Variants in UBP1 observed in about 807,000 individuals in gnomAD.
UBP1 encodes upstream binding protein 1.
In UBP1, 22 loss-of-function variants were observed where a neutral mutation model predicts 76.1. The ratio of observed to expected loss-of-function variants is 0.29; its 90% CI spans 0.21 to 0.41. The LOEUF (loss-of-function observed/expected upper bound fraction) is 0.41. Among genes scored for constraint, UBP1 ranks in the 10% least tolerant of loss-of-function variants. The pLI is 1.00. For synonymous variants in UBP1, 224 were observed against 237.1 expected, an observed-to-expected ratio of 0.94 and a Z score of 0.51; for missense variants, 436 against 668.1, an observed-to-expected ratio of 0.65 and a Z score of 3.83.
intron 1 of UBP1, among the ~76,000 whole-genome samples, chr3:33,427,766 G>A (rs750535640): frequency 2.0e-5 from 3 of 152,126 alleles, no homozygotes; most frequent in Non-Finnish European, 4.4e-5. Context: ...ACACTCCTAC[G>A]TACACAAGTA....
intron 13 of UBP1, 112 bp from the exon 14 acceptor site, chr3:33,393,566 T>TA (rs1008617714): frequency 1.2e-4 from 116 of 985,760 alleles, no homozygotes; most frequent in African/African-American, 3.4e-5. Context: ...ACCAAAAAAG[T>TA]AAAAAAACAT....
At chr3:33,429,428 A>AGCCTCAACCTCCC (rs1223330414) in intron 1 of UBP1, among the ~76,000 whole-genome samples, 1 of 151,672 alleles carries the variant, frequency 6.6e-6, no homozygotes, top group Non-Finnish European at 1.5e-5. Flanking sequence ...GGCTCACTAC[A>AGCCTCAACCTCCC]GCCTCAACCT....
intron 1 of UBP1, among the ~76,000 whole-genome samples, chr3:33,432,167 C>CA (rs1158820644): frequency 1.3e-5 from 2 of 151,664 alleles, no homozygotes; most frequent in African/African-American, 4.8e-5. Context: ...CAAAAAATAG[C>CA]AAAAAAATTA....
At chr3:33,395,228 T>C (rs1370452503) in intron 13 of UBP1, among the ~76,000 whole-genome samples, 1 of 152,196 alleles carries the variant, frequency 6.6e-6, no homozygotes, top group Non-Finnish European at 1.5e-5. Flanking sequence ...GTAGTGATGC[T>C]ATCCTTCCAA....
chr3:33,394,017 CTT>C (rs2043868980), intron 13 of UBP1, among the ~76,000 whole-genome samples: 1 of 150,330 alleles, frequency 6.7e-6, no homozygotes, highest in African/African-American at 2.4e-5. Flanking sequence ...AGTCATAGTT[CTT>C]TTTGTTTATT....
chr3:33,440,109 G>A lies in UBP1; in HGVS notation c.-261C>T, dbSNP rs2045268616. ...GACACCGGCCCTGCGCCTCATGCCGGCGCCGCCGCCCAGCCCCCGCGCCGC... is the reference window on the plus strand; with the variant it reads ...GACACCGGCCCTGCGCCTCATGCCGACGCCGCCGCCCAGCCCCCGCGCCGC... On this transcript the variant is annotated 5_prime_UTR_variant, in exon 1 of 16. Transcript: ENST00000283629. 6.2e-6 allele frequency: 2 copies of A among 322,638 alleles called. No individual in the cohort carries two copies. The highest frequency in any genetic ancestry group is 1.0e-4 in the Admixed American group (2 of 20,046). The allele number at this position is 322,638 out of a possible 1,614,324, so 20.0% of individuals were successfully genotyped here. A position where few individuals can be genotyped will look rare whatever the true frequency, so the allele number is the denominator to read the frequency against.
At chr3:33,408,546 G>C (rs968068877) in intron 8 of UBP1, 144 bp downstream of exon 8, 1 of 582,740 alleles carries the variant, frequency 1.7e-6, no homozygotes, top group Non-Finnish European at 2.9e-6. Context: ...ACAAACAGAA[G>C]CAGGAAGTCT....
intron 1 of UBP1, among the ~76,000 whole-genome samples, chr3:33,426,859 T>C (rs1367268114): frequency 6.6e-6 from 1 of 152,252 alleles, no homozygotes; most frequent in East Asian, 1.9e-4. Flanking sequence ...TTAGCAATTA[T>C]GAATCATGCT....
chr3:33,425,763 C>A (rs776544444), intron 1 of UBP1, 22 bp from the exon 2 acceptor site: 1 of 1,558,968 alleles, frequency 6.4e-7, no homozygotes. Context: ...AAAATCAACA[C>A]TGACCTTACT....
At position 33,439,871 on chromosome 3, in the gene UBP1, G is replaced by T; in HGVS notation, c.-23C>A. 6.2e-7 allele frequency: 1 copy of T among 1,608,752 alleles called. No individual in the cohort carries two copies. The highest frequency in any genetic ancestry group is 2.2e-5 in the East Asian group (1 of 44,560). ...CATCTTCCGGCCTCGCCGTCGCCCC[G>T]CACACCGCGGCCTCCGCGTCCAGGG... On this transcript the variant is annotated 5_prime_UTR_variant, in exon 1 of 16. Coordinates refer to ENST00000283629, the MANE Select transcript of UBP1 (RefSeq NM_014517.5).
Position 33,437,254 on chromosome 3 carries a change from TG to T in UBP1, c.113+2481del, listed in dbSNP as rs575674759. 9.1e-5 allele frequency among the ~76,000 whole-genome samples: 12 copies of T among 131,316 alleles called. No individual in the cohort carries two copies. In the East Asian group the frequency reaches 2.4e-3, roughly 26 times the overall value. 86.1% of individuals were successfully genotyped at this position (131,316 alleles called of 152,430 possible). A position where few individuals can be genotyped will look rare whatever the true frequency, so the allele number is the denominator to read the frequency against. On this transcript the variant is annotated intron_variant, in intron 1 of 15. Transcript: ENST00000283629. ...TTCCTACTGTTTTAAGAGAAAGGGG[TG>T]GGGGGAAACAACAAAAGAGAAGGGG...
At chr3:33,405,938 T>C (rs2044407646) in intron 8 of UBP1, among the ~76,000 whole-genome samples, 1 of 152,120 alleles carries the variant, frequency 6.6e-6, no homozygotes, top group Admixed American at 6.5e-5. Flanking sequence ...TAATCTCAAC[T>C]ACCCAATTAT....
chr3:33,416,113 G>A (rs1048796425), intron 3 of UBP1: 1 of 152,198 alleles, frequency 6.6e-6, no homozygotes, highest in Non-Finnish European at 1.5e-5. Context: ...GTGGGAAGAT[G>A]GAAGGATCAA....
chr3:33,402,701 G>A, intron 9 of UBP1, 100 bp downstream of exon 9: 2 of 837,802 alleles, frequency 2.4e-6, no homozygotes, highest in Non-Finnish European at 3.5e-6. Context: ...TTTCCTTTAG[G>A]TACAATACAA....
Position 33,388,682 on chromosome 3 carries a change from G to T in UBP1, c.*1649C>A, listed in dbSNP as rs2043617466. 6.6e-6 allele frequency: 1 copy of T among 152,166 alleles called. No individual in the cohort carries two copies. Among genetic ancestry groups the T allele is most frequent in the African/African-American group, 2.4e-5 (1 of 41,430 alleles). The allele number at this position is 152,166 out of a possible 1,614,324, so 9.4% of individuals were successfully genotyped here. On this transcript the variant is annotated 3_prime_UTR_variant, in exon 16 of 16. Transcript: ENST00000283629. ...CCCCAGTGACTGGTACAGAAAACAT[G>T]TGGTCACACGAAAGCAAAGGGAAAA...
intron 1 of UBP1, among the ~76,000 whole-genome samples, chr3:33,434,463 A>G (rs1200601651): frequency 6.6e-6 from 1 of 150,792 alleles, no homozygotes; most frequent in East Asian, 2.0e-4. Flanking sequence ...ATGCCCAGCT[A>G]ATTTTGTAAG....
chr3:33,406,091 C>T lies in UBP1; in HGVS notation c.927+2599G>A, dbSNP rs1262811602. Among the ~76,000 whole-genome samples the T allele has an allele frequency of 2.6e-5, 4 of 152,270 alleles. No individual in the cohort carries two copies. In the East Asian group the frequency reaches 7.7e-4, roughly 29 times the overall value. ...CAACTTTGCTATAAATTACATTTTA[C>T]ACAACAATGCCCATTCTTTTAAAAT... is the stretch of plus-strand genomic sequence containing the variant. On this transcript the variant is annotated intron_variant, in intron 8 of 15. Coordinates refer to ENST00000283629, the MANE Select transcript of UBP1 (RefSeq NM_014517.5).
intron 2 of UBP1, among the ~76,000 whole-genome samples, chr3:33,425,063 TA>T (rs1238082771): frequency 6.6e-5 from 10 of 151,790 alleles, no homozygotes; most frequent in Admixed American, 3.3e-4. Flanking sequence ...AAAGGTAAAC[TA>T]CCCCCACATC....
At chr3:33,398,346 G>A (rs1203901247) in intron 11 of UBP1, 1 of 152,194 alleles carries the variant, frequency 6.6e-6, no homozygotes, top group Non-Finnish European at 1.5e-5. Context: ...TGAGACATGA[G>A]CATTAATAGA....
Sources: allele counts gnomAD v4.1 joint callset (sites outside exome capture counted in the v4.1 genomes callset), GRCh38; gene constraint gnomAD v4.1.1; transcripts MANE v1.5; gene names NCBI Gene and HGNC (gene_info 2026-07-23, HGNC 2026-07-21).